The following CSMD2 variants were observed in gnomAD, a reference collection of about 807,000 sequenced individuals.
CSMD2 encodes the protein CUB and Sushi multiple domains 2.
CSMD2 carries 130 observed loss-of-function variants against 398.5 expected under a neutral mutation model. That is an observed-to-expected ratio of 0.33 (90% CI 0.28 to 0.38). The LOEUF is 0.38. Ranked by LOEUF, CSMD2 falls within the 10% of genes least tolerant of loss-of-function variation. The pLI is 1.00. For synonymous variants in CSMD2, 1,828 were observed against 1,908.5 expected, an observed-to-expected ratio of 0.96 and a Z score of 1.10; for missense variants, 3,829 against 4,764.9, an observed-to-expected ratio of 0.80 and a Z score of 5.78.
intron 25 of CSMD2, among the ~76,000 whole-genome samples, chr1:33,674,463 C>T (rs924127658): frequency 6.6e-6 from 1 of 152,190 alleles, no homozygotes; most frequent in Admixed American, 6.5e-5. Flanking sequence ...TAAAGCAAGT[C>T]CTGAGTGACC....
At chr1:33,847,020 G>A (rs1267554596) in intron 5 of CSMD2, 24 bp from the exon 6 acceptor site, 2 of 1,537,868 alleles carry the variant, frequency 1.3e-6, no homozygotes, top group Non-Finnish European at 9.0e-7. Context: ...AAGCAGATGG[G>A]CTCAGGGACC....
intron 5 of CSMD2, among the ~76,000 whole-genome samples, chr1:33,878,859 G>A (rs1641033268): frequency 6.6e-6 from 1 of 152,336 alleles, no homozygotes; most frequent in East Asian, 1.9e-4. Flanking sequence ...GGGTGCTATT[G>A]TGCTTTGTAG....
At chr1:33,645,344 TACACACACACACACACACAC>T (rs4044501) in intron 29 of CSMD2, among the ~76,000 whole-genome samples, 15 of 136,368 alleles carry the variant, frequency 1.1e-4, no homozygotes, top group East Asian at 6.4e-4. Flanking sequence ...TGGAGCATTA[TACACACACACACACACACAC>T]ACACACACAC....
At chr1:34,055,892 T>C (rs1326232883) in intron 2 of CSMD2, among the ~76,000 whole-genome samples, 1 of 152,198 alleles carries the variant, frequency 6.6e-6, no homozygotes, top group African/African-American at 2.4e-5. Context: ...GGCTTGGTCT[T>C]CCCAGTAACC....
At chr1:33,688,864 A>G (rs986301514) in intron 25 of CSMD2, among the ~76,000 whole-genome samples, 1 of 152,226 alleles carries the variant, frequency 6.6e-6, no homozygotes, top group African/African-American at 2.4e-5. Flanking sequence ...AAAATTCTAT[A>G]AAGATATTTC....
At chr1:33,983,666 T>A (rs1345023642) in intron 3 of CSMD2, among the ~76,000 whole-genome samples, 2 of 151,882 alleles carry the variant, frequency 1.3e-5, no homozygotes, top group African/African-American at 4.8e-5. Flanking sequence ...CCCCAGCCCA[T>A]CACCCATCCT....
intron 1 of CSMD2, among the ~76,000 whole-genome samples, chr1:34,124,592 C>G (rs1192878788): frequency 6.6e-6 from 1 of 152,144 alleles, no homozygotes; most frequent in African/African-American, 2.4e-5. Context: ...TTGCTCAGAA[C>G]TTCCCATTCA....
intron 10 of CSMD2, among the ~76,000 whole-genome samples, chr1:33,807,145 C>A (rs1656320480): frequency 6.6e-6 from 1 of 152,160 alleles, no homozygotes; most frequent in Non-Finnish European, 1.5e-5. Context: ...CTGACAGCAA[C>A]AGTGAAACCC....
At chr1:33,789,819 G>T (rs1297864316) in intron 11 of CSMD2, among the ~76,000 whole-genome samples, 1 of 152,182 alleles carries the variant, frequency 6.6e-6, no homozygotes, top group Non-Finnish European at 1.5e-5. Flanking sequence ...GGCCAGTGCT[G>T]GCTCCTGACT....
chr1:33,540,916 C>G lies in CSMD2; in HGVS notation c.9457+214G>C, dbSNP rs897522752. 2.6e-5 allele frequency among the ~76,000 whole-genome samples: 4 copies of G among 152,282 alleles called. No homozygotes were observed. In the East Asian group the frequency reaches 7.7e-4, roughly 29 times the overall value. ...AACCCAGTCCTCTGTTTGCGGGACC[C>G]TCCCCTCAATGTTCATGGCCCAGGC... is the stretch of plus-strand genomic sequence containing the variant. On this transcript the variant is annotated intron_variant, in intron 59 of 70. Coordinates refer to ENST00000373381, the MANE Select transcript of CSMD2 (RefSeq NM_001281956.2).
chr1:34,080,687 A>T (rs1023098726), intron 2 of CSMD2, among the ~76,000 whole-genome samples: 41 of 152,294 alleles, frequency 2.7e-4, no homozygotes, highest in African/African-American at 9.6e-4. Context: ...AGCTATACTT[A>T]GGGGAAAATG....
chr1:33,963,525 G>T (rs931232144), intron 3 of CSMD2, among the ~76,000 whole-genome samples: 7 of 152,116 alleles, frequency 4.6e-5, no homozygotes, highest in African/African-American at 1.7e-4. Flanking sequence ...TCATTCCCGA[G>T]ATTTTCCTCT....
chr1:34,159,338 C>CCCCT (rs56893007), intron 1 of CSMD2, among the ~76,000 whole-genome samples: 16 of 142,900 alleles, frequency 1.1e-4, no homozygotes, highest in African/African-American at 3.3e-4. Context: ...GCCCCCCCCC[C>CCCCT]ACCCAGGAGC....
intron 28 of CSMD2, among the ~76,000 whole-genome samples, chr1:33,651,286 G>A (rs758802936): frequency 1.3e-5 from 2 of 152,188 alleles, no homozygotes; most frequent in Non-Finnish European, 2.9e-5. Flanking sequence ...GCATGCCTTG[G>A]TTGCTGCTAG....
At chr1:34,118,570 A>G (rs1482341650) in intron 1 of CSMD2, among the ~76,000 whole-genome samples, 3 of 152,242 alleles carry the variant, frequency 2.0e-5, no homozygotes, top group African/African-American at 7.2e-5. Context: ...TGGATATAAA[A>G]TCAACACACA....
intron 12 of CSMD2, among the ~76,000 whole-genome samples, chr1:33,776,482 C>A (rs1318564056): frequency 6.6e-6 from 1 of 152,116 alleles, no homozygotes; most frequent in Non-Finnish European, 1.5e-5. Context: ...GGGAAAACGA[C>A]TTGAAGAGAA....
At chr1:33,855,170 G>C (rs1638991333) in intron 5 of CSMD2, among the ~76,000 whole-genome samples, 1 of 152,142 alleles carries the variant, frequency 6.6e-6, no homozygotes, top group African/African-American at 2.4e-5. Context: ...ACTGTCTCCA[G>C]GTCTAAATCA....
Position 33,636,546 on chromosome 1 carries a change from G to C in CSMD2, c.4783C>G (p.Arg1595Gly). Residue 1595 changes from arginine to glycine, a missense_variant, in exon 30 of 71, where the codon CGG becomes GGG. Arg to Gly is a moderately radical substitution (Grantham distance 125, BLOSUM62 -2). Transcript: ENST00000373381. This position sits in a 1 kb window ranked among gnomAD's most constrained non-coding sequence, Gnocchi z 4.8. The part of the protein sequence containing the change: ...GFVIDYTENP[R>G]ESCFDPGSIK... ...GAACCAGGATCAAAACATGACTCCC[G>C]CGGGTTTTCTGGGAAAAAGAAATAC... 6.2e-7 allele frequency: 1 copy of C among 1,613,790 alleles called. No homozygotes were observed. Among genetic ancestry groups the C allele is most frequent in the Non-Finnish European group, 8.5e-7 (1 of 1,179,766 alleles).
At chr1:33,538,470 G>A (rs1456526583) in intron 60 of CSMD2, among the ~76,000 whole-genome samples, 2 of 152,200 alleles carry the variant, frequency 1.3e-5, no homozygotes, top group South Asian at 2.1e-4. Flanking sequence ...ATGTGTGTGC[G>A]TGTGCGTGTG....
Sources: gnomAD v4.1 joint callset for allele counts (sites outside exome capture counted in the v4.1 genomes callset) on GRCh38, gnomAD v4.1.1 for gene constraint, Gnocchi (gnomAD v3.1) non-coding constraint, MANE v1.5 for transcripts, NCBI Gene and HGNC (gene_info 2026-07-23, HGNC 2026-07-21) for gene names.